Variants in DCC observed in about 807,000 individuals in gnomAD.
DCC encodes the protein netrin receptor DCC.
DCC carries 58 observed loss-of-function variants against 172.5 expected under a neutral mutation model. The ratio of observed to expected loss-of-function variants is 0.34; its 90% confidence interval spans 0.27 to 0.42. DCC has a LOEUF of 0.42. Among genes scored for constraint, DCC ranks in the 10% least tolerant of loss-of-function variants. DCC has a pLI of 1.00. For synonymous variants in DCC, 709 were observed against 644.5 expected (o/e 1.10, Z -1.52); for missense variants, 1,740 against 1,791.0 (o/e 0.97, Z 0.51).
Position 52,402,231 on chromosome 18 carries a change from G to A in DCC, c.91+61353G>A, listed in dbSNP as rs555326298. ...GAGTTAAACATTTACTTTGGTGGTA[G>A]TATAGTGTGATAACTCACTCTCTGA... is the stretch of plus-strand genomic sequence containing the variant. On this transcript the variant is annotated intron_variant, in intron 1 of 28. Coordinates refer to ENST00000442544, the MANE Select transcript of DCC (RefSeq NM_005215.4). Among the ~76,000 whole-genome samples the A allele has an allele frequency of 2.6e-5, 4 of 152,104 alleles. No homozygotes were observed. The South Asian group carries it at 8.3e-4, about 31-fold the overall frequency.
chr18:52,579,686 G>T (rs1420980202), intron 1 of DCC, among the ~76,000 whole-genome samples: 3 of 152,192 alleles, frequency 2.0e-5, no homozygotes, highest in South Asian at 2.1e-4. Context: ...ATGCAGTTCT[G>T]CACTGCCTTT....
intron 1 of DCC, among the ~76,000 whole-genome samples, chr18:52,492,643 GA>G (rs144464908): frequency 0.058 from 8,695 of 150,896 alleles, 309 homozygotes; most frequent in South Asian, 0.12. Flanking sequence ...TTAATAGGAA[GA>G]AAAAAAAAGA....
intron 2 of DCC, among the ~76,000 whole-genome samples, chr18:52,806,811 T>G (rs1439119459): frequency 6.6e-6 from 1 of 152,144 alleles, no homozygotes; most frequent in Non-Finnish European, 1.5e-5. Context: ...TCTTCAGAAG[T>G]CAAGTGAGCC....
intron 1 of DCC, among the ~76,000 whole-genome samples, chr18:52,546,189 A>G (rs2032610880): frequency 6.6e-6 from 1 of 152,188 alleles, no homozygotes; most frequent in South Asian, 2.1e-4. Flanking sequence ...CCAGATAGCT[A>G]GAAAACTAAA....
At chr18:52,825,308 C>T (rs2038490338) in intron 2 of DCC, among the ~76,000 whole-genome samples, 1 of 151,988 alleles carries the variant, frequency 6.6e-6, no homozygotes, top group South Asian at 2.1e-4. Context: ...TAATAAGGTA[C>T]TTATAAAGAT....
At chr18:53,101,603 G>T (rs1568305587) in intron 7 of DCC, among the ~76,000 whole-genome samples, 1 of 152,094 alleles carries the variant, frequency 6.6e-6, no homozygotes, top group Non-Finnish European at 1.5e-5. Context: ...TTCCCATAAG[G>T]CTACTTAGCC....
intron 5 of DCC, among the ~76,000 whole-genome samples, chr18:53,027,556 C>T (rs2041972037): frequency 6.6e-6 from 1 of 152,122 alleles, no homozygotes; most frequent in East Asian, 1.9e-4. Context: ...AGCTTCAGGT[C>T]CTCTGTAGGA....
chr18:53,029,321 G>C (rs2041997229), intron 5 of DCC, among the ~76,000 whole-genome samples: 1 of 152,154 alleles, frequency 6.6e-6, no homozygotes, highest in Non-Finnish European at 1.5e-5. Flanking sequence ...TGCTTCATTA[G>C]AACAGTGTCA....
intron 2 of DCC, among the ~76,000 whole-genome samples, chr18:52,848,666 G>A (rs1355365590): frequency 1.3e-5 from 2 of 151,950 alleles, no homozygotes; most frequent in African/African-American, 4.8e-5. Context: ...CTGTCTTATT[G>A]ATTGTAGTCA....
intron 1 of DCC, among the ~76,000 whole-genome samples, chr18:52,734,968 T>C (rs560756196): frequency 6.6e-6 from 1 of 152,304 alleles, no homozygotes; most frequent in South Asian, 2.1e-4. Context: ...TAAATTCTTA[T>C]AAGAAAATGC....
rs557093170 is a variant in DCC, at chr18:52,971,600, C to G, written c.985+46230C>G. Among the ~76,000 whole-genome samples, 168 of 151,840 alleles carry G rather than the reference C, an allele frequency of 1.1e-3. 1 individual carries two copies. The highest frequency in any genetic ancestry group is 1.2e-3 in the Non-Finnish European group (83 of 67,960). ...GATTATAGACTGAAGTAGGGAATGA[C>G]AGAAGCAAGAAAAAGGAACTCATTC... On this transcript the variant is annotated intron_variant, in intron 5 of 28. Transcript: ENST00000442544.
At chr18:52,490,162 C>G (rs1447244978) in intron 1 of DCC, among the ~76,000 whole-genome samples, 1 of 151,990 alleles carries the variant, frequency 6.6e-6, no homozygotes, top group African/African-American at 2.4e-5. Flanking sequence ...AAAAGCAGCA[C>G]AAGATGTGGT....
At chr18:53,510,155 T>G (rs934135731) in intron 27 of DCC, among the ~76,000 whole-genome samples, 7 of 152,184 alleles carry the variant, frequency 4.6e-5, no homozygotes, top group Non-Finnish European at 1.0e-4. Flanking sequence ...CATCCTAACC[T>G]GTCCTTAGCA....
chr18:53,351,320 G>GTATATATATATATACACTGTA (rs201328758), intron 15 of DCC, among the ~76,000 whole-genome samples: 1 of 29,632 alleles, frequency 3.4e-5, no homozygotes, highest in Non-Finnish European at 6.5e-5. Context: ...TATATACACT[G>GTATATATATATATACACTGTA]TATATATATA....
intron 7 of DCC, among the ~76,000 whole-genome samples, chr18:53,082,415 T>C (rs557183982): frequency 6.6e-6 from 1 of 152,208 alleles, no homozygotes; most frequent in Admixed American, 6.5e-5. Flanking sequence ...AACACTTTTA[T>C]AATAAAAAAT....
chr18:52,379,645 T>C (rs9963301), intron 1 of DCC, among the ~76,000 whole-genome samples: 3 of 152,078 alleles, frequency 2.0e-5, no homozygotes, highest in Non-Finnish European at 4.4e-5. Context: ...TTATTTTTCT[T>C]CCACTGCTTG....
intron 7 of DCC, among the ~76,000 whole-genome samples, chr18:53,085,521 G>A (rs987053693): frequency 4.6e-5 from 7 of 151,942 alleles, no homozygotes; most frequent in Non-Finnish European, 5.9e-5. Context: ...CCTAGTCACC[G>A]TCTTAAATTT....
intron 28 of DCC, 63 bp downstream of exon 28, chr18:53,526,822 C>A: frequency 6.3e-7 from 1 of 1,577,314 alleles, no homozygotes; most frequent in Non-Finnish European, 8.7e-7. Context: ...TGTGTAATAG[C>A]ATCTAAACCA....
chr18:52,798,665 G>T (rs548076045), intron 2 of DCC, among the ~76,000 whole-genome samples: 3 of 152,248 alleles, frequency 2.0e-5, no homozygotes, highest in Admixed American at 6.5e-5. Flanking sequence ...ACCTGAAAAG[G>T]GTGAGTAGGA....
Sources: allele counts gnomAD v4.1 joint callset (sites outside exome capture counted in the v4.1 genomes callset), GRCh38; gene constraint gnomAD v4.1.1; transcripts MANE v1.5; gene names NCBI Gene and HGNC (gene_info 2026-07-23, HGNC 2026-07-21).